LINGO2: variants seen among roughly 807,000 people sequenced by gnomAD.
The protein encoded by LINGO2 is leucine rich repeat and Ig domain containing 2, also known as leucine-rich repeat and immunoglobulin-like domain-containing nogo receptor-interacting protein 2.
Under a neutral mutation model 30.6 loss-of-function variants are expected in LINGO2, and 14 were observed. The ratio of observed to expected loss-of-function variants is 0.46; its 90% CI spans 0.30 to 0.72. LINGO2 has a LOEUF of 0.72. LINGO2 is among the 30% of genes least tolerant of loss of function. The pLI is 0.07. For synonymous variants in LINGO2, 317 were observed against 288.5 expected (o/e 1.10, Z -1.00); for missense variants, 729 against 751.7 (o/e 0.97, Z 0.35).
chr9:28,495,164 G>T (rs1461144055), intron 1 of LINGO2, among the ~76,000 whole-genome samples: 1 of 137,728 alleles, frequency 7.3e-6, no homozygotes, highest in African/African-American at 2.8e-5. Flanking sequence ...CCATTCTGTA[G>T]GTTGCCTGTT....
At chr9:28,086,384 G>C (rs1231128298) in intron 4 of LINGO2, among the ~76,000 whole-genome samples, 1 of 152,060 alleles carries the variant, frequency 6.6e-6, no homozygotes, top group East Asian at 1.9e-4. Context: ...CAAGTACAGA[G>C]ATATAATCTT....
chr9:28,568,404 A>C (rs1252109256), intron 1 of LINGO2, among the ~76,000 whole-genome samples: 1 of 152,012 alleles, frequency 6.6e-6, no homozygotes, highest in Non-Finnish European at 1.5e-5. Context: ...TGACAATCTA[A>C]CCTGTACAAC....
intron 4 of LINGO2, among the ~76,000 whole-genome samples, chr9:28,124,895 T>C (rs1383821134): frequency 6.6e-6 from 1 of 152,186 alleles, no homozygotes; most frequent in Non-Finnish European, 1.5e-5. Flanking sequence ...AGTAATAATA[T>C]AAGGGAAGAC....
At chr9:28,171,136 A>G (rs909648917) in intron 4 of LINGO2, among the ~76,000 whole-genome samples, 1 of 152,182 alleles carries the variant, frequency 6.6e-6, no homozygotes, top group African/African-American at 2.4e-5. Context: ...GCTGTGGGAC[A>G]ATGAGTTGAA....
At chr9:28,142,664 G>A (rs566084531) in intron 4 of LINGO2, among the ~76,000 whole-genome samples, 1 of 152,268 alleles carries the variant, frequency 6.6e-6, no homozygotes, top group East Asian at 1.9e-4. Flanking sequence ...TTGACTTAAG[G>A]AGATAATTCC....
At chr9:28,894,536 T>C in the LINGO2 span, among the ~76,000 whole-genome samples, 2 of 152,004 alleles carry the variant, frequency 1.3e-5, no homozygotes, top group Non-Finnish European at 2.9e-5. Context: ...TACACTGCTA[T>C]ATTTTCTTCT....
chr9:27,946,643 T>G (rs1473977153), downstream of LINGO2, among the ~76,000 whole-genome samples: 2 of 152,140 alleles, frequency 1.3e-5, no homozygotes, highest in Admixed American at 6.5e-5. Context: ...TAACAGTTCA[T>G]TTTTAAATTT....
At chr9:27,970,874 A>G (rs1820320897) in intron 5 of LINGO2, among the ~76,000 whole-genome samples, 1 of 151,542 alleles carries the variant, frequency 6.6e-6, no homozygotes. Context: ...AGAATAGGGC[A>G]TTTTGAATAG....
intron 3 of LINGO2, among the ~76,000 whole-genome samples, chr9:28,349,152 T>A (rs1001796255): frequency 1.4e-4 from 22 of 152,184 alleles, no homozygotes; most frequent in African/African-American, 5.3e-4. Context: ...GGATGGAAAA[T>A]GACTTTGACG....
chr9:28,934,784 A>C, the LINGO2 span, among the ~76,000 whole-genome samples: 1 of 152,184 alleles, frequency 6.6e-6, no homozygotes, highest in Non-Finnish European at 1.5e-5. Context: ...GTATGTCTTA[A>C]TCTAAAATTG....
chr9:28,241,144 C>T (rs1044246545), intron 4 of LINGO2, among the ~76,000 whole-genome samples: 3 of 151,662 alleles, frequency 2.0e-5, no homozygotes, highest in Non-Finnish European at 2.9e-5. Flanking sequence ...TGGTGTGCGC[C>T]TGTAATCCCA....
intron 4 of LINGO2, among the ~76,000 whole-genome samples, chr9:28,187,480 ACT>A (rs1211547498): frequency 1.6e-5 from 2 of 126,800 alleles, no homozygotes; most frequent in East Asian, 2.4e-4. Flanking sequence ...ACAGAGCGAG[ACT>A]CTGTCTCAGA....
At chr9:28,766,504 G>C in the LINGO2 span, among the ~76,000 whole-genome samples, 1 of 150,664 alleles carries the variant, frequency 6.6e-6, no homozygotes, top group East Asian at 1.9e-4. Flanking sequence ...TAGCTATTAT[G>C]AAAAATAATA....
At chr9:29,076,106 G>C in the LINGO2 span, among the ~76,000 whole-genome samples, 1 of 151,514 alleles carries the variant, frequency 6.6e-6, no homozygotes, top group Non-Finnish European at 1.5e-5. Flanking sequence ...TCAAACTCCT[G>C]GCCTCAAGTG....
intron 5 of LINGO2, among the ~76,000 whole-genome samples, chr9:27,957,316 A>G (rs959871457): frequency 6.6e-6 from 1 of 151,910 alleles, no homozygotes; most frequent in African/African-American, 2.4e-5. Flanking sequence ...GTTTGTTGGG[A>G]CAGAGTCTTG....
the LINGO2 span, among the ~76,000 whole-genome samples, chr9:28,886,068 T>A: frequency 7.9e-5 from 12 of 152,312 alleles, no homozygotes; most frequent in African/African-American, 2.6e-4. Flanking sequence ...TTTTAAGTAT[T>A]GATACAAATA....
At chr9:28,615,923 T>C (rs1284864028) in intron 1 of LINGO2, among the ~76,000 whole-genome samples, 2 of 152,164 alleles carry the variant, frequency 1.3e-5, no homozygotes, top group African/African-American at 4.8e-5. Flanking sequence ...ATATATACTG[T>C]ATGACTCCAT....
the LINGO2 span, among the ~76,000 whole-genome samples, chr9:28,696,118 TA>T: frequency 6.6e-6 from 1 of 151,958 alleles, no homozygotes; most frequent in Non-Finnish European, 1.5e-5. Flanking sequence ...TCTTTCTCTT[TA>T]GTTGTTAGTT....
chr9:29,093,247 A>T, the LINGO2 span, among the ~76,000 whole-genome samples: 2 of 133,960 alleles, frequency 1.5e-5, 1 homozygote, highest in South Asian at 4.6e-4. Flanking sequence ...CATTAAAAGT[A>T]AAATATTATA....
Sources: gnomAD v4.1 joint callset for allele counts (sites outside exome capture counted in the v4.1 genomes callset) on GRCh38, gnomAD v4.1.1 for gene constraint, MANE v1.5 for transcripts, NCBI Gene and HGNC (gene_info 2026-07-23, HGNC 2026-07-21) for gene names.